The following LRMDA variants were observed in gnomAD, a reference collection of about 807,000 sequenced individuals.
LRMDA encodes leucine-rich melanocyte differentiation-associated protein.
In LRMDA, 18 loss-of-function variants were observed where a neutral mutation model predicts 29.8. The observed-to-expected ratio is 0.60, with a 90% CI of 0.42 to 0.90. LRMDA has a LOEUF of 0.90. Among genes scored for constraint, LRMDA ranks in the 40% least tolerant of loss-of-function variants. The pLI is 0.00. For missense variants in LRMDA, 273 were observed against 273.9 expected (o/e 1.00, Z 0.02); for synonymous variants, 125 against 109.4 (o/e 1.14, Z -0.89).
At chr10:76,065,651 C>T (rs1289754389) in intron 5 of LRMDA, among the ~76,000 whole-genome samples, 1 of 152,254 alleles carries the variant, frequency 6.6e-6, no homozygotes, top group Non-Finnish European at 1.5e-5. Context: ...ATGAGTAACT[C>T]TTGGATACTT....
intron 5 of LRMDA, among the ~76,000 whole-genome samples, chr10:76,249,972 T>C (rs1044330814): frequency 6.6e-6 from 1 of 151,970 alleles, no homozygotes; most frequent in Admixed American, 6.6e-5. Context: ...CTGGCTAATT[T>C]TGTTTGTATT....
chr10:76,488,377 T>C (rs894815993), intron 6 of LRMDA, among the ~76,000 whole-genome samples: 1 of 151,852 alleles, frequency 6.6e-6, no homozygotes, highest in African/African-American at 2.4e-5. Context: ...TGACTTATCT[T>C]GTTATAGATT....
chr10:76,029,950 C>T (rs1031847842), intron 2 of LRMDA, among the ~76,000 whole-genome samples: 1 of 152,106 alleles, frequency 6.6e-6, no homozygotes, highest in East Asian at 1.9e-4. Flanking sequence ...GGCTGGAGTG[C>T]AGTGACATGA....
At chr10:76,025,958 A>G (rs575751645) in intron 2 of LRMDA, among the ~76,000 whole-genome samples, 102 of 152,294 alleles carry the variant, frequency 6.7e-4, no homozygotes, top group African/African-American at 2.3e-3. Context: ...CAGAGTTGGC[A>G]CTCAATACAT....
At chr10:75,645,676 C>G (rs1841510716) in intron 2 of LRMDA, among the ~76,000 whole-genome samples, 1 of 152,036 alleles carries the variant, frequency 6.6e-6, no homozygotes, top group African/African-American at 2.4e-5. Context: ...CGGGAAAGAC[C>G]TACATGGAAC....
intron 5 of LRMDA, among the ~76,000 whole-genome samples, chr10:76,191,260 CTA>C (rs1312726966): frequency 2.0e-5 from 3 of 152,176 alleles, no homozygotes; most frequent in African/African-American, 7.2e-5. Flanking sequence ...TATAAATGCA[CTA>C]TGTCTCTTTC....
chr10:76,184,054 G>A (rs1206597100), intron 5 of LRMDA, among the ~76,000 whole-genome samples: 4 of 146,152 alleles, frequency 2.7e-5, no homozygotes, highest in Admixed American at 7.0e-5. Flanking sequence ...TTTTGGAGAC[G>A]GAGTCTTACT....
At chr10:75,905,859 G>A (rs948291645) in intron 2 of LRMDA, among the ~76,000 whole-genome samples, 1 of 152,064 alleles carries the variant, frequency 6.6e-6, no homozygotes, top group African/African-American at 2.4e-5. Flanking sequence ...TCTGTCTAAG[G>A]CATTCAGCCG....
At chr10:76,129,003 A>G (rs1484722386) in intron 5 of LRMDA, among the ~76,000 whole-genome samples, 2 of 152,206 alleles carry the variant, frequency 1.3e-5, no homozygotes, top group African/African-American at 2.4e-5. Context: ...TATGAAAGTG[A>G]TAAATAATTT....
intron 6 of LRMDA, among the ~76,000 whole-genome samples, chr10:76,425,487 A>G (rs370996025): frequency 2.7e-4 from 41 of 152,116 alleles, no homozygotes; most frequent in African/African-American, 9.6e-4. Flanking sequence ...TAAAATGGAG[A>G]TAAAATCTAC....
rs192128085 is a variant in LRMDA, at chr10:75,551,389, G to A, written c.131+112895G>A. On this transcript the variant is annotated intron_variant, in intron 2 of 6. Coordinates refer to ENST00000611255, the MANE Select transcript of LRMDA (RefSeq NM_001305581.2). ...TGGGGTACATGTGCAGAACATACGGGTTTGTTACATAGGTATACACGTGCC... is the reference window on the plus strand; with the variant it reads ...TGGGGTACATGTGCAGAACATACGGATTTGTTACATAGGTATACACGTGCC... 7.9e-5 allele frequency among the ~76,000 whole-genome samples: 12 copies of A among 151,870 alleles called. 1 individual carries two copies. Among genetic ancestry groups the A allele is most frequent in the African/African-American group, 2.9e-4 (12 of 41,406 alleles).
chr10:76,031,632 CA>C (rs1260553679), intron 2 of LRMDA, among the ~76,000 whole-genome samples: 1 of 152,102 alleles, frequency 6.6e-6, no homozygotes, highest in African/African-American at 2.4e-5. Context: ...GAACAGGCAG[CA>C]GCCAGCCCTT....
chr10:76,473,947 C>T (rs1235313579), intron 6 of LRMDA, among the ~76,000 whole-genome samples: 1 of 151,470 alleles, frequency 6.6e-6, no homozygotes, highest in Non-Finnish European at 1.5e-5. Flanking sequence ...ACTCTCTAGC[C>T]CCAATTTCAA....
At chr10:76,253,520 GGAGAGA>G (rs60609129) in intron 5 of LRMDA, among the ~76,000 whole-genome samples, 14 of 148,026 alleles carry the variant, frequency 9.5e-5, no homozygotes, top group Non-Finnish European at 1.8e-4. Flanking sequence ...GAAGAGAGGG[GGAGAGA>G]GAGAGAGAGA....
chr10:76,380,440 C>G (rs1353053764), intron 6 of LRMDA, among the ~76,000 whole-genome samples: 1 of 151,930 alleles, frequency 6.6e-6, no homozygotes, highest in African/African-American at 2.4e-5. Flanking sequence ...GAGGCCGAGG[C>G]AGGCGGATCA....
chr10:76,438,270 T>A (rs564897889), intron 6 of LRMDA, among the ~76,000 whole-genome samples: 1 of 152,286 alleles, frequency 6.6e-6, no homozygotes, highest in African/African-American at 2.4e-5. Context: ...TCTGTGTGTT[T>A]TATGGTTGAT....
intron 6 of LRMDA, among the ~76,000 whole-genome samples, chr10:76,457,547 C>G (rs1351988548): frequency 6.6e-6 from 1 of 151,872 alleles, no homozygotes; most frequent in Non-Finnish European, 1.5e-5. Context: ...AAGTGGCTGC[C>G]AAGTATTGTG....
At chr10:75,504,805 A>C (rs1199295937) in intron 2 of LRMDA, among the ~76,000 whole-genome samples, 1 of 152,168 alleles carries the variant, frequency 6.6e-6, no homozygotes, top group Non-Finnish European at 1.5e-5. Context: ...GGTGTGTATA[A>C]AGATTTTTAC....
chr10:76,070,806 G>T (rs1848863605), intron 5 of LRMDA, among the ~76,000 whole-genome samples: 1 of 152,178 alleles, frequency 6.6e-6, no homozygotes, highest in Non-Finnish European at 1.5e-5. Context: ...TCCTGGGGAG[G>T]TCCAGGCTCC....
Sources: allele counts gnomAD v4.1 joint callset (sites outside exome capture counted in the v4.1 genomes callset), GRCh38; gene constraint gnomAD v4.1.1; transcripts MANE v1.5; gene names NCBI Gene and HGNC (gene_info 2026-07-23, HGNC 2026-07-21).